The following ZNF551 variants were observed in gnomAD, a reference collection of about 807,000 sequenced individuals.
ZNF551 encodes zinc finger protein 551.
Under a neutral mutation model 7.9 loss-of-function variants are expected in ZNF551, and 5 were observed. The observed-to-expected ratio is 0.63, with a 90% CI of 0.33 to 1.33. The LOEUF is 1.33. Among genes scored for constraint, ZNF551 ranks in the 40% most tolerant of loss-of-function variants. The pLI is 0.05. For synonymous variants in ZNF551, 287 were observed against 277.3 expected, an observed-to-expected ratio of 1.03 and a Z score of -0.35; for missense variants, 788 against 825.2, an observed-to-expected ratio of 0.95 and a Z score of 0.55.
chr19:57,682,423 T>A (rs1381359769), intron 1 of ZNF551, among the ~76,000 whole-genome samples, 179 bp downstream of exon 1: 1 of 152,098 alleles, frequency 6.6e-6, no homozygotes, highest in African/African-American at 2.4e-5. Context: ...GGCAGTTGAC[T>A]GGCGCGTGCA....
intron 1 of ZNF551, among the ~76,000 whole-genome samples, chr19:57,684,449 G>A (rs1385091021): frequency 6.6e-6 from 1 of 152,114 alleles, no homozygotes; most frequent in Non-Finnish European, 1.5e-5. Context: ...CAAGACCCTT[G>A]GTTGTGTTTG....
rs1205469950 is a variant in ZNF551 at position 57,686,691 on chromosome 19, G to A, written c.416G>A (p.Arg139Lys). 6.2e-7 allele frequency: 1 copy of A among 1,614,232 alleles called. No homozygotes were observed. Among genetic ancestry groups the A allele is most frequent in the South Asian group, 1.1e-5 (1 of 91,088 alleles). Residue 139 changes from arginine (R) to lysine (K), a missense_variant, in exon 3 of 3, where the codon AGA (arginine) becomes AAA (lysine). Physicochemically the swap from Arg to Lys is conservative, Grantham distance 26. Transcript: ENST00000282296. Reference protein sequence around the residue: ...QKSYLGSTSMRGFCFSADLHQ... With the variant: ...QKSYLGSTSMKGFCFSADLHQ... ...TCATACTTGGGTAGCACAAGCATGA[G>A]AGGCTTCTGCTTCAGTGCTGACCTT... is the stretch of plus-strand genomic sequence containing the variant.
In ZNF551 at chr19:57,687,005, GTCTGT is replaced by G; in HGVS notation, c.735_739del (p.Cys245Ter). On this transcript the variant is annotated frameshift_variant, in exon 3 of 3. Coordinates refer to ENST00000282296, the MANE Select transcript of ZNF551 (RefSeq NM_138347.5). LOFTEE classifies it low-confidence loss of function (END_TRUNC). ...ACACACACTTGTTCAGCATCAGAGTGTCTGTTCTGAAGGAGGGCTTTATGAGTGTA... is the reference window on the plus strand; with the variant it reads ...ACACACACTTGTTCAGCATCAGAGTGTCTGAAGGAGGGCTTTATGAGTGTA... 1 of 1,614,192 alleles carries G rather than the reference GTCTGT, an allele frequency of 6.2e-7. No homozygotes were observed. Among genetic ancestry groups the G allele is most frequent in the Non-Finnish European group, 8.5e-7 (1 of 1,180,024 alleles).
rs140373343 is a variant in ZNF551, at chr19:57,687,461, T to G, written c.1186T>G (p.Cys396Gly). The change falls in exon 3 of 3, where the codon TGT (cysteine) becomes GGT (glycine). Residue 396 changes from cysteine to glycine, a missense_variant. Coordinates refer to ENST00000282296, the MANE Select transcript of ZNF551 (RefSeq NM_138347.5). ...SGERPYQCCE[C>G]GKSFRQIFNL... ...AGAAAGGCCTTATCAGTGCTGTGAG[T>G]GTGGGAAATCCTTTAGACAAATCTT... The G allele has an allele frequency of 1.2e-5, 20 of 1,613,924 alleles. No homozygotes were observed. The African/African-American group carries it at 2.4e-4, about 19-fold the overall frequency.
Position 57,688,698 on chromosome 19 carries a change from T to C in ZNF551, c.*410T>C, listed in dbSNP as rs1276595626. On this transcript the variant is annotated 3_prime_UTR_variant, in exon 3 of 3. Coordinates refer to ENST00000282296, the MANE Select transcript of ZNF551 (RefSeq NM_138347.5). ...CCTGACCCAGTTGTGGTCCAGAGAA[T>C]CTGAGTTGTGCTGTCAGCTTTCTAA... 5.7e-6 allele frequency: 1 copy of C among 173,926 alleles called. No homozygotes were observed. Among genetic ancestry groups the C allele is most frequent in the Non-Finnish European group, 1.2e-5 (1 of 80,146 alleles). 10.8% of individuals were successfully genotyped at this position (173,926 alleles called of 1,614,324 possible).
chr19:57,688,919 A>T lies in ZNF551; in HGVS notation c.*631A>T, dbSNP rs1328447782. ...ATTGCATAGAATGACTTGTAAGCAG[A>T]ATAGTGATGTCAGCATGAAGGGGTG... On this transcript the variant is annotated 3_prime_UTR_variant, in exon 3 of 3. Transcript: ENST00000282296. The T allele has an allele frequency of 6.5e-6, 1 of 153,136 alleles. No individual in the cohort carries two copies. Among genetic ancestry groups the T allele is most frequent in the Non-Finnish European group, 1.5e-5 (1 of 68,730 alleles). 9.5% of individuals were successfully genotyped at this position (153,136 alleles called of 1,614,324 possible).
At chr19:57,683,671 A>G (rs774987376) in intron 1 of ZNF551, among the ~76,000 whole-genome samples, 2 of 152,166 alleles carry the variant, frequency 1.3e-5, no homozygotes, top group Non-Finnish European at 2.9e-5. Context: ...GGGAAGGTCA[A>G]GGACAGGTCT....
Position 57,682,195 on chromosome 19 carries a change from C to CT in ZNF551, c.33dup (p.Ser12Ter). ...GCCCCGGTCGGCCGCCGCTCCCCGC[C>CT]TAGTCCACGGAGCTCAATGGCGGCA... On this transcript the variant is annotated frameshift_variant, in exon 1 of 3. Coordinates refer to ENST00000282296, the MANE Select transcript of ZNF551 (RefSeq NM_138347.5). LOFTEE classifies it high-confidence loss of function. 1.3e-6 allele frequency: 2 copies of CT among 1,550,294 alleles called. No homozygotes were observed. The highest frequency in any genetic ancestry group is 1.7e-6 in the Non-Finnish European group (2 of 1,146,898).
Position 57,688,254 on chromosome 19 carries a change from G to A in ZNF551, c.1979G>A (p.Arg660Gln), listed in dbSNP as rs748982252. ...TTTAGCCGCAAATCTAACCTCATTC[G>A]ACATCGGAGAGTTCACACTGAAGAA... is the stretch of plus-strand genomic sequence containing the variant. ...KSFSRKSNLIRHRRVHTEERP is the reference protein window; with the variant it reads ...KSFSRKSNLIQHRRVHTEERP Residue 660 changes from arginine to glutamine, a missense_variant, in exon 3 of 3, where the codon CGA (arginine) becomes CAA (glutamine). Arg to Gln is a conservative substitution (Grantham distance 43). Transcript: ENST00000282296. 1.1e-5 allele frequency: 17 copies of A among 1,614,014 alleles called. No homozygotes were observed. The highest frequency in any genetic ancestry group is 1.6e-4 in the Middle Eastern group (1 of 6,084).
At position 57,682,220 on chromosome 19, in the gene ZNF551, A is replaced by G; in HGVS notation, c.57A>G (p.Ala19=). 5 of 1,550,506 alleles carry G rather than the reference A, an allele frequency of 3.2e-6. No homozygotes were observed. The highest frequency in any genetic ancestry group is 4.4e-6 in the Non-Finnish European group (5 of 1,146,946). The change falls in exon 1 of 3, where the codon GCA becomes GCG. Residue 19 remains alanine, a synonymous_variant. Transcript: ENST00000282296. ...CTAGTCCACGGAGCTCAATGGCGGCAGTCGCGCTGAGGGACTCGGCTCAGG... is the reference window on the plus strand; with the variant it reads ...CTAGTCCACGGAGCTCAATGGCGGCGGTCGCGCTGAGGGACTCGGCTCAGG... ...SPPSPRSSMA[A]VALRDSAQGM...
intron 1 of ZNF551, 113 bp downstream of exon 1, chr19:57,682,357 A>G: frequency 8.4e-7 from 1 of 1,183,716 alleles, no homozygotes; most frequent in Middle Eastern, 2.7e-4. Flanking sequence ...CCTGGACAAG[A>G]AGGCGCTTGT....
intron 1 of ZNF551, among the ~76,000 whole-genome samples, chr19:57,684,615 G>A (rs1267268852): frequency 5.3e-5 from 8 of 152,258 alleles, no homozygotes; most frequent in South Asian, 4.1e-4. Context: ...GGGGGCATTA[G>A]TGTCACCAGG....
chr19:57,689,315 G>A lies in ZNF551; in HGVS notation c.*1027G>A, dbSNP rs1479018968. On this transcript the variant is annotated 3_prime_UTR_variant, in exon 3 of 3. Coordinates refer to ENST00000282296, the MANE Select transcript of ZNF551 (RefSeq NM_138347.5). ...GGTGCCATTTGTTGTCAGACTATAG[G>A]TGTGGAGGTGAAATTACAGGTTCAA... 6.6e-6 allele frequency: 1 copy of A among 152,114 alleles called. No homozygotes were observed. Among genetic ancestry groups the A allele is most frequent in the Admixed American group, 6.5e-5 (1 of 15,274 alleles). 9.4% of individuals were successfully genotyped at this position (152,114 alleles called of 1,614,324 possible).
Position 57,688,347 on chromosome 19 carries a change from T to C in ZNF551, c.*59T>C. 1.2e-5 allele frequency: 19 copies of C among 1,556,710 alleles called. No individual in the cohort carries two copies. Among genetic ancestry groups the C allele is most frequent in the Non-Finnish European group, 1.6e-5 (18 of 1,151,436 alleles). ...ATAATAGCACTGGAGGAGACTGTGGTAGCCATCTTCGTAAATTTAAACTTT... is the reference window on the plus strand; with the variant it reads ...ATAATAGCACTGGAGGAGACTGTGGCAGCCATCTTCGTAAATTTAAACTTT... On this transcript the variant is annotated 3_prime_UTR_variant, in exon 3 of 3. Coordinates refer to ENST00000282296, the MANE Select transcript of ZNF551 (RefSeq NM_138347.5).
At position 57,688,159 on chromosome 19, in the gene ZNF551, A is replaced by C; in HGVS notation, c.1884A>C (p.Ser628=). 1 of 1,607,282 alleles carries C rather than the reference A, an allele frequency of 6.2e-7. No individual in the cohort carries two copies. The highest frequency in any genetic ancestry group is 1.4e-5 in the African/African-American group (1 of 72,768). Residue 628 remains serine (S), a synonymous_variant, in exon 3 of 3, where the codon TCA becomes TCC. Coordinates refer to ENST00000282296, the MANE Select transcript of ZNF551 (RefSeq NM_138347.5). ...GTGGGAAACCCTTTACCCACAAATC[A>C]GACCTTATTCAGCACCAAAGAGTTC... ...SQCGKPFTHK[S]DLIQHQRVHT...
intron 2 of ZNF551, 158 bp downstream of exon 2, chr19:57,685,543 T>G: frequency 1.8e-6 from 2 of 1,117,786 alleles, no homozygotes; most frequent in East Asian, 2.4e-5. Context: ...TGTGGCCCAG[T>G]TTCTGCCCTT....
intron 1 of ZNF551, among the ~76,000 whole-genome samples, chr19:57,684,070 A>T (rs1434294075): frequency 6.6e-6 from 1 of 152,156 alleles, no homozygotes; most frequent in Non-Finnish European, 1.5e-5. Flanking sequence ...CAGCAATCAC[A>T]GCCCAGAAGT....
rs1984400303 is a variant in ZNF551 at position 57,682,108 on chromosome 19, G to A, written c.-56G>A. The A allele has an allele frequency of 6.6e-7, 1 of 1,519,510 alleles. No individual in the cohort carries two copies. Among genetic ancestry groups the A allele is most frequent in the Admixed American group, 2.0e-5 (1 of 49,996 alleles). 94.1% of individuals were successfully genotyped at this position (1,519,510 alleles called of 1,614,324 possible). A position where few individuals can be genotyped will look rare whatever the true frequency, so the allele number is the denominator to read the frequency against. On this transcript the variant is annotated 5_prime_UTR_variant, in exon 1 of 3. Coordinates refer to ENST00000282296, the MANE Select transcript of ZNF551 (RefSeq NM_138347.5). ...GTCGCGAAAGTGGGCCAGAGGTTCTGCGACACCACCTCGGGTGAGCTGCGC... is the reference window on the plus strand; with the variant it reads ...GTCGCGAAAGTGGGCCAGAGGTTCTACGACACCACCTCGGGTGAGCTGCGC...
In ZNF551 at chr19:57,689,799, C is replaced by CA. The variant is rs547644438; in HGVS notation, c.*1523dup. The CA allele has an allele frequency of 5.8e-3, 790 of 135,848 alleles. 9 individuals are homozygous for CA. Among genetic ancestry groups the CA allele is most frequent in the Middle Eastern group, 0.046 (12 of 260 alleles). The allele number at this position is 135,848 out of a possible 1,614,324, so 8.4% of individuals were successfully genotyped here. Reference sequence around the variant, plus strand: ...AGGCAACAGAGTGAGACTCCGTCTCCAAAAAAAAAAAAGAAAATAGTCTAT... The same window carrying CA: ...AGGCAACAGAGTGAGACTCCGTCTCCAAAAAAAAAAAAAGAAAATAGTCTAT... On this transcript the variant is annotated 3_prime_UTR_variant, in exon 3 of 3. Transcript: ENST00000282296.
Sources: allele counts gnomAD v4.1 joint callset (sites outside exome capture counted in the v4.1 genomes callset), GRCh38; gene constraint gnomAD v4.1.1; transcripts MANE v1.5; gene names NCBI Gene and HGNC (gene_info 2026-07-23, HGNC 2026-07-21).